The following WWOX variants were observed in gnomAD, a reference collection of about 807,000 sequenced individuals.
WWOX encodes WW domain-containing oxidoreductase.
Under a neutral mutation model 46.2 loss-of-function variants are expected in WWOX, and 69 were observed. The ratio of observed to expected loss-of-function variants is 1.49; its 90% CI spans 1.23 to 1.82. The LOEUF is 1.82. Among genes scored for constraint, WWOX ranks in the 40% most tolerant of loss-of-function variants. WWOX has a pLI of 0.00. For synonymous variants in WWOX, 359 were observed against 202.6 expected, an observed-to-expected ratio of 1.77 and a Z score of -6.56; for missense variants, 919 against 542.6, an observed-to-expected ratio of 1.69 and a Z score of -6.89.
intron 8 of WWOX, among the ~76,000 whole-genome samples, chr16:78,716,679 C>G (rs2048569375): frequency 6.6e-6 from 1 of 151,718 alleles, no homozygotes; most frequent in Non-Finnish European, 1.5e-5. Flanking sequence ...ACATCACACC[C>G]AAGGAGAATC....
chr16:78,431,055 G>C (rs1597074642), intron 7 of WWOX, among the ~76,000 whole-genome samples: 1 of 152,276 alleles, frequency 6.6e-6, no homozygotes, highest in East Asian at 1.9e-4. Flanking sequence ...GGGGTCCTTT[G>C]ACAAACATGA....
intron 8 of WWOX, among the ~76,000 whole-genome samples, chr16:78,903,649 C>G (rs951017788): frequency 5.3e-5 from 8 of 152,170 alleles, no homozygotes; most frequent in African/African-American, 1.7e-4. Context: ...GCTTTAGATT[C>G]CCTGCCTGCA....
At chr16:78,351,962 T>G (rs1163980951) in intron 5 of WWOX, among the ~76,000 whole-genome samples, 7 of 152,154 alleles carry the variant, frequency 4.6e-5, no homozygotes, top group Non-Finnish European at 1.0e-4. Context: ...CAGCAGTATG[T>G]TTGTTTTTCT....
intron 8 of WWOX, among the ~76,000 whole-genome samples, chr16:78,533,560 C>A (rs1185359838): frequency 1.3e-5 from 2 of 152,154 alleles, no homozygotes; most frequent in Non-Finnish European, 2.9e-5. Context: ...TCAAGAGGGG[C>A]TTGAGCATTT....
At chr16:78,106,212 C>T (rs1483977775) in intron 1 of WWOX, among the ~76,000 whole-genome samples, 2 of 152,152 alleles carry the variant, frequency 1.3e-5, no homozygotes, top group East Asian at 3.9e-4. Context: ...AAATGCAAGT[C>T]CATCTCTTAA....
chr16:78,366,815 G>T (rs2081545121), intron 5 of WWOX, among the ~76,000 whole-genome samples: 1 of 152,062 alleles, frequency 6.6e-6, no homozygotes, highest in Non-Finnish European at 1.5e-5. Flanking sequence ...AAATGAGCAG[G>T]TGGTTGGATT....
At chr16:78,807,918 A>G (rs1421417188) in intron 8 of WWOX, among the ~76,000 whole-genome samples, 2 of 152,260 alleles carry the variant, frequency 1.3e-5, no homozygotes, top group African/African-American at 2.4e-5. Context: ...CACATTGGAC[A>G]GCACGGTTAC....
chr16:78,760,354 G>C (rs907086143), intron 8 of WWOX, among the ~76,000 whole-genome samples: 1 of 152,190 alleles, frequency 6.6e-6, no homozygotes, highest in Non-Finnish European at 1.5e-5. Flanking sequence ...TTCAATATGA[G>C]ATTTGGATGG....
chr16:78,726,071 T>TGCCCTCCCTCCCTCTTCCTCCCTCCC (rs2048824545), intron 8 of WWOX, among the ~76,000 whole-genome samples: 1 of 96,558 alleles, frequency 1.0e-5, no homozygotes, highest in Non-Finnish European at 2.2e-5. Context: ...CCTGCTTCCC[T>TGCCCTCCCTCCCTCTTCCTCCCTCCC]TCCCTCCCTC....
intron 5 of WWOX, among the ~76,000 whole-genome samples, chr16:78,276,613 C>T (rs561979490): frequency 8.8e-4 from 134 of 152,342 alleles, no homozygotes; most frequent in African/African-American, 3.1e-3. Flanking sequence ...TCTGGCTCTG[C>T]AGCTGAAATT....
intron 8 of WWOX, among the ~76,000 whole-genome samples, chr16:78,711,018 G>C (rs1048001835): frequency 1.3e-5 from 2 of 152,238 alleles, no homozygotes; most frequent in Admixed American, 6.5e-5. Context: ...GTTTGTCAAG[G>C]CCAGATTTCA....
At chr16:78,974,155 T>C (rs1251118269) in intron 8 of WWOX, among the ~76,000 whole-genome samples, 1 of 152,214 alleles carries the variant, frequency 6.6e-6, no homozygotes, top group Non-Finnish European at 1.5e-5. Flanking sequence ...TCAAACAATA[T>C]CAGGAAAATT....
intron 8 of WWOX, among the ~76,000 whole-genome samples, chr16:78,968,786 G>A (rs1166862269): frequency 2.0e-5 from 3 of 152,134 alleles, no homozygotes; most frequent in African/African-American, 4.8e-5. Context: ...ATTGGAGATA[G>A]CACAGATTGT....
intron 8 of WWOX, among the ~76,000 whole-genome samples, chr16:78,808,214 C>A (rs1049897777): frequency 6.6e-6 from 1 of 152,156 alleles, no homozygotes; most frequent in Non-Finnish European, 1.5e-5. Flanking sequence ...TATGCTCCTC[C>A]TGTGATACCC....
At chr16:78,924,097 A>G (rs1487577800) in intron 8 of WWOX, among the ~76,000 whole-genome samples, 1 of 152,018 alleles carries the variant, frequency 6.6e-6, no homozygotes, top group East Asian at 1.9e-4. Flanking sequence ...GATTACAGAC[A>G]TGAGCCGCTG....
At chr16:78,115,687 T>C (rs539782482) in intron 4 of WWOX, among the ~76,000 whole-genome samples, 2 of 152,288 alleles carry the variant, frequency 1.3e-5, no homozygotes, top group East Asian at 1.9e-4. Flanking sequence ...GGGACTATCA[T>C]GGGTAGATGG....
At chr16:78,535,142 G>C (rs990790939) in intron 8 of WWOX, 1 of 152,188 alleles carries the variant, frequency 6.6e-6, no homozygotes, top group Non-Finnish European at 1.5e-5. Context: ...TCCCTGCATT[G>C]AGATAGCATT....
intron 8 of WWOX, among the ~76,000 whole-genome samples, chr16:78,961,821 C>T (rs1425710990): frequency 1.3e-5 from 2 of 152,174 alleles, no homozygotes; most frequent in African/African-American, 4.8e-5. Flanking sequence ...AATCTTAATG[C>T]ATCTCTATTT....
intron 8 of WWOX, among the ~76,000 whole-genome samples, chr16:78,634,042 G>A (rs1597375682): frequency 6.6e-6 from 1 of 152,134 alleles, no homozygotes; most frequent in Admixed American, 6.5e-5. Context: ...TGTGGGGTTG[G>A]ACCCTGTTTT....
Sources: gnomAD v4.1 joint callset for allele counts (sites outside exome capture counted in the v4.1 genomes callset) on GRCh38, gnomAD v4.1.1 for gene constraint, MANE v1.5 for transcripts, NCBI Gene and HGNC (gene_info 2026-07-23, HGNC 2026-07-21) for gene names.